The following CCK variants were observed in gnomAD, a reference collection of about 807,000 sequenced individuals.
CCK encodes the protein cholecystokinin, also known as cholecystokinin triacontatriapeptide.
A neutral mutation model predicts 10.1 loss-of-function variants in CCK; 11 were observed. That is an observed-to-expected ratio of 1.09 (90% CI 0.69 to 1.81). The LOEUF (loss-of-function observed/expected upper bound fraction) is 1.81. Ranked by LOEUF, CCK falls within the 40% of genes most tolerant of loss-of-function variation. The pLI is 0.00. For synonymous variants in CCK, 83 were observed against 71.9 expected (o/e 1.15, Z -0.78); for missense variants, 137 against 159.9 (o/e 0.86, Z 0.77).
rs1711240621 is a variant in CCK, at chr3:42,263,276, T to C, written c.214+141A>G. ...TCCTCCATACCCCTTCTCAGATTGC[T>C]ACAAAGGACCGCCAGAAATCATGTT... is the stretch of plus-strand genomic sequence containing the variant. On this transcript the variant is annotated intron_variant, in intron 4 of 4. Transcript: ENST00000396169. 5 of 1,335,228 alleles carry C rather than the reference T, an allele frequency of 3.7e-6. No homozygotes were observed. In the East Asian group the frequency reaches 1.1e-4, roughly 31 times the overall value. 82.7% of individuals were successfully genotyped at this position (1,335,228 alleles called of 1,614,324 possible). A position where few individuals can be genotyped will look rare whatever the true frequency, so the allele number is the denominator to read the frequency against.
At chr3:42,262,806 G>C (rs563360811) in intron 4 of CCK, among the ~76,000 whole-genome samples, 1 of 152,174 alleles carries the variant, frequency 6.6e-6, no homozygotes. Flanking sequence ...TTGATGCTGA[G>C]AAAACTGACT....
chr3:42,259,038 T>G (rs917324685), intron 4 of CCK, among the ~76,000 whole-genome samples: 10 of 152,208 alleles, frequency 6.6e-5, no homozygotes, highest in African/African-American at 2.2e-4. Context: ...AAGGATGCGT[T>G]CATGTCCTTT....
At chr3:42,262,793 A>C (rs7616571) in intron 4 of CCK, among the ~76,000 whole-genome samples, 78,194 of 151,722 alleles carry the variant, frequency 0.52, 20,270 homozygotes, top group South Asian at 0.63. Flanking sequence ...CTGGAGAAAG[A>C]CTTTGATGCT....
rs940831987 is a variant in CCK, at chr3:42,260,429, C to T, written c.215-2198G>A. On this transcript the variant is annotated intron_variant, in intron 4 of 4. Transcript: ENST00000396169. Reference sequence around the variant, plus strand: ...TGGAAGCAAGGTGACAGCTTCAATACGAGCAAGCAGCCTCAGTTAACGGTG... The same window carrying T: ...TGGAAGCAAGGTGACAGCTTCAATATGAGCAAGCAGCCTCAGTTAACGGTG... 3.3e-5 allele frequency among the ~76,000 whole-genome samples: 5 copies of T among 152,138 alleles called. No individual in the cohort carries two copies. The East Asian group carries it at 7.7e-4, about 23-fold the overall frequency.
intron 4 of CCK, chr3:42,263,147 C>CT (rs1254638936): frequency 1.8e-6 from 1 of 566,440 alleles, no homozygotes; most frequent in Non-Finnish European, 3.2e-6. Context: ...CAATAATTAT[C>CT]TTTTAATGGC....
At chr3:42,262,345 C>T (rs939514406) in intron 4 of CCK, among the ~76,000 whole-genome samples, 1 of 151,672 alleles carries the variant, frequency 6.6e-6, no homozygotes, top group Non-Finnish European at 1.5e-5. Context: ...TTCAGCCTCC[C>T]GTGTAGCTGG....
intron 4 of CCK, among the ~76,000 whole-genome samples, chr3:42,261,063 TG>T (rs944032151): frequency 6.0e-4 from 92 of 152,286 alleles, no homozygotes; most frequent in African/African-American, 2.2e-3. Context: ...GATGTAGCAT[TG>T]AAGCTTTGCT....
chr3:42,261,601 T>A (rs1711213422), intron 4 of CCK, among the ~76,000 whole-genome samples: 1 of 128,830 alleles, frequency 7.8e-6, no homozygotes, highest in African/African-American at 2.7e-5. Flanking sequence ...AATAATTTGG[T>A]AATGAGCTTT....
chr3:42,261,185 T>C (rs778085689), intron 4 of CCK, among the ~76,000 whole-genome samples: 4 of 152,232 alleles, frequency 2.6e-5, no homozygotes, highest in African/African-American at 4.8e-5. Flanking sequence ...TTCCTAATGA[T>C]AAACTCTTAA....
intron 4 of CCK, among the ~76,000 whole-genome samples, chr3:42,261,229 AC>A (rs1367911200): frequency 2.3e-4 from 35 of 152,206 alleles, no homozygotes; most frequent in Non-Finnish European, 2.9e-5. Context: ...CTTGTTTAGA[AC>A]TTTTAAGAAT....
At chr3:42,261,608 CTT>C (rs3073696) in intron 4 of CCK, among the ~76,000 whole-genome samples, 1 of 145,620 alleles carries the variant, frequency 6.9e-6, no homozygotes. Context: ...TGGTAATGAG[CTT>C]TTTTTTTTTT....
chr3:42,262,195 T>A (rs1711224307), intron 4 of CCK, among the ~76,000 whole-genome samples: 1 of 147,014 alleles, frequency 6.8e-6, no homozygotes, highest in Admixed American at 6.7e-5. Flanking sequence ...ACCACATCCC[T>A]TCCAGCAGTG....
At chr3:42,261,347 T>C (rs532303223) in intron 4 of CCK, among the ~76,000 whole-genome samples, 1 of 152,324 alleles carries the variant, frequency 6.6e-6, no homozygotes, top group East Asian at 1.9e-4. Flanking sequence ...CTGTGCAGTA[T>C]CTATATGTGT....
At chr3:42,259,805 C>G (rs1711187713) in intron 4 of CCK, among the ~76,000 whole-genome samples, 1 of 152,192 alleles carries the variant, frequency 6.6e-6, no homozygotes, top group Admixed American at 6.5e-5. Context: ...AGCAGAACAC[C>G]TTCTCCTGTG....
In CCK at chr3:42,258,221, T is replaced by C. The variant is rs749653756; in HGVS notation, c.225A>G (p.Gly75=). ...GCAGGTTCTTAACGATGGACATTCG[T>C]CCAGAAGGAGCTACAAGGAGCAGGG... ...YIQQARKAPS[G]RMSIVKNLQN... is the part of the protein sequence containing the mutation. The change falls in exon 5 of 5, where the codon GGA becomes GGG. Residue 75 remains glycine, a synonymous_variant. Transcript: ENST00000396169. The C allele has an allele frequency of 6.2e-6, 10 of 1,613,604 alleles. No homozygotes were observed. The East Asian group carries it at 8.9e-5, about 14-fold the overall frequency.
chr3:42,262,150 G>A (rs1381481835), intron 4 of CCK, among the ~76,000 whole-genome samples: 2 of 150,996 alleles, frequency 1.3e-5, no homozygotes, highest in African/African-American at 4.9e-5. Context: ...AACACCAGTT[G>A]GGTAAGAGAG....
rs1452261484 is a variant in CCK at position 42,258,223 on chromosome 3, C to T, written c.223G>A (p.Gly75Arg). 10 of 1,613,752 alleles carry T rather than the reference C, an allele frequency of 6.2e-6. No homozygotes were observed. The highest frequency in any genetic ancestry group is 1.7e-5 in the Admixed American group (1 of 59,914). Residue 75 changes from glycine to arginine, a missense_variant, in exon 5 of 5, where the codon GGA becomes AGA. Gly to Arg is a moderately radical substitution (Grantham distance 125). Coordinates refer to ENST00000396169, the MANE Select transcript of CCK (RefSeq NM_000729.6). Reference protein sequence around the residue: ...YIQQARKAPSGRMSIVKNLQN... With the variant: ...YIQQARKAPSRRMSIVKNLQN... ...AGGTTCTTAACGATGGACATTCGTC[C>T]AGAAGGAGCTACAAGGAGCAGGGAG...
At chr3:42,261,156 T>C (rs1711204882) in intron 4 of CCK, among the ~76,000 whole-genome samples, 1 of 152,330 alleles carries the variant, frequency 6.6e-6, no homozygotes, top group South Asian at 2.1e-4. Context: ...TCTTGGGCCA[T>C]TGAAAGTGCT....
At chr3:42,263,030 C>A in intron 4 of CCK, 2 of 337,856 alleles carry the variant, frequency 5.9e-6, no homozygotes, top group Admixed American at 4.4e-5. Flanking sequence ...CAGCATTGAC[C>A]CCTTCCTGCT....
Sources: allele counts gnomAD v4.1 joint callset (sites outside exome capture counted in the v4.1 genomes callset), GRCh38; gene constraint gnomAD v4.1.1; transcripts MANE v1.5; gene names NCBI Gene and HGNC (gene_info 2026-07-23, HGNC 2026-07-21).